KIF21B: variants seen among roughly 807,000 people sequenced by gnomAD.
The protein encoded by KIF21B is kinesin-like protein KIF21B.
A neutral mutation model predicts 192.9 loss-of-function variants in KIF21B; 85 were observed. The observed-to-expected ratio is 0.44, with a 90% CI of 0.37 to 0.53. The LOEUF is 0.53. Ranked by LOEUF, KIF21B falls within the 20% of genes least tolerant of loss-of-function variation. The pLI, the probability that KIF21B is intolerant of heterozygous loss-of-function variation, is 0.00. For missense variants in KIF21B, 1,716 were observed against 2,194.8 expected, an observed-to-expected ratio of 0.78 and a Z score of 4.36; for synonymous variants, 832 against 884.6, an observed-to-expected ratio of 0.94 and a Z score of 1.05.
At chr1:200,986,746 G>A in intron 26 of KIF21B, 98 bp downstream of exon 26, 1 of 1,098,000 alleles carries the variant, frequency 9.1e-7, no homozygotes, top group South Asian at 1.4e-5. Flanking sequence ...GTTACACTGT[G>A]TACAAGATGA....
chr1:200,990,131 C>T lies in KIF21B; in HGVS notation c.3030+7G>A, dbSNP rs369334703. The T allele has an allele frequency of 7.5e-5, 121 of 1,611,946 alleles. No homozygotes were observed. Among genetic ancestry groups the T allele is most frequent in the East Asian group, 2.0e-4 (9 of 44,824 alleles). ...CTCCGCCCCAGCAGGCCCAGCCCTG[C>T]GGATACCTTGGTCTCCTCCAGCTGC... On this transcript the variant is annotated splice_region_variant and intron_variant, in intron 20 of 34. Coordinates refer to ENST00000461742, the MANE Select transcript of KIF21B (RefSeq NM_001252102.2). This position sits in a 1 kb window ranked among gnomAD's most constrained non-coding sequence, Gnocchi z 5.4.
rs1340897102 is a variant in KIF21B at position 200,990,897 on chromosome 1, G to A, written c.2687+20C>T. On this transcript the variant is annotated intron_variant, in intron 18 of 34. Transcript: ENST00000461742. This position sits in a 1 kb window ranked among gnomAD's most constrained non-coding sequence, Gnocchi z 5.4. ...ACCCCCTCTGCCTGCACAGGCCAGGGGACTGCCAGTCCACCTTACCGGGCA... is the reference window on the plus strand; with the variant it reads ...ACCCCCTCTGCCTGCACAGGCCAGGAGACTGCCAGTCCACCTTACCGGGCA... 1 of 1,613,540 alleles carries A rather than the reference G, an allele frequency of 6.2e-7. No individual in the cohort carries two copies.
intron 1 of KIF21B, among the ~76,000 whole-genome samples, chr1:201,018,691 A>G (rs1450792162): frequency 1.3e-5 from 2 of 152,216 alleles, no homozygotes; most frequent in Non-Finnish European, 2.9e-5. Context: ...TTGTGCATCT[A>G]TATGATGGGA....
intron 30 of KIF21B, among the ~76,000 whole-genome samples, chr1:200,977,582 T>C (rs1383553688): frequency 6.6e-6 from 1 of 152,178 alleles, no homozygotes; most frequent in Non-Finnish European, 1.5e-5. Context: ...CAACTCCCCA[T>C]GTGGCCTGCC....
At chr1:200,987,453 A>G (rs143181524) in intron 24 of KIF21B, among the ~76,000 whole-genome samples, 150 of 152,162 alleles carry the variant, frequency 9.9e-4, no homozygotes, top group Admixed American at 2.6e-3. Flanking sequence ...CATGTTGTCC[A>G]GGCTGGTCTT....
At chr1:200,989,584 C>A (rs976445326) in intron 21 of KIF21B, among the ~76,000 whole-genome samples, 9 of 152,226 alleles carry the variant, frequency 5.9e-5, no homozygotes, top group African/African-American at 1.7e-4. Flanking sequence ...TTCCCCTACC[C>A]CCACATACAC....
chr1:200,981,102 C>T lies in KIF21B; in HGVS notation c.3843-6G>A, dbSNP rs1571914901. 4.4e-6 allele frequency: 7 copies of T among 1,579,156 alleles called. No homozygotes were observed. The highest frequency in any genetic ancestry group is 6.0e-6 in the Non-Finnish European group (7 of 1,168,022). Reference sequence around the variant, plus strand: ...CAACCGGGGAGATGATGCCCCTTCCCGGGAGAGAGGGAGAGAAGGCATGCT... The same window carrying T: ...CAACCGGGGAGATGATGCCCCTTCCTGGGAGAGAGGGAGAGAAGGCATGCT... On this transcript the variant is annotated splice_region_variant and splice_polypyrimidine_tract_variant and intron_variant, in intron 28 of 34. Coordinates refer to ENST00000461742, the MANE Select transcript of KIF21B (RefSeq NM_001252102.2).
chr1:200,974,298 T>G, intron 34 of KIF21B: 2 of 1,342,354 alleles, frequency 1.5e-6, no homozygotes, highest in Middle Eastern at 2.7e-4. Flanking sequence ...GCCATCTGAG[T>G]CGCACCCCAT....
intron 32 of KIF21B, among the ~76,000 whole-genome samples, chr1:200,976,235 C>G (rs566946082): frequency 6.6e-6 from 1 of 152,060 alleles, no homozygotes; most frequent in Non-Finnish European, 1.5e-5. Context: ...GGACTACAGG[C>G]GCCCGACACC....
intron 15 of KIF21B, among the ~76,000 whole-genome samples, chr1:200,993,607 C>T (rs935354802): frequency 1.3e-5 from 2 of 151,852 alleles, no homozygotes; most frequent in African/African-American, 2.4e-5. Context: ...AAAACTAGCC[C>T]GGTGTGGTGG....
At chr1:200,974,963 G>C in intron 33 of KIF21B, 50 bp from the exon 34 acceptor site, 115 of 1,543,014 alleles carry the variant, frequency 7.5e-5, no homozygotes, top group African/African-American at 1.1e-4. Context: ...ATGAGGGAGA[G>C]AACCTGCCCC....
At chr1:200,973,676 T>C in intron 34 of KIF21B, 98 bp from the exon 35 acceptor site, 1 of 1,505,360 alleles carries the variant, frequency 6.6e-7, no homozygotes, top group East Asian at 2.5e-5. Context: ...TTCCCCAAAC[T>C]CCCCAAATGT....
At chr1:200,984,002 T>C (rs1656119324) in intron 27 of KIF21B, among the ~76,000 whole-genome samples, 1 of 152,148 alleles carries the variant, frequency 6.6e-6, no homozygotes, top group African/African-American at 2.4e-5. Flanking sequence ...CTGTCACCCC[T>C]GGGGCAGGGA....
Position 200,973,087 on chromosome 1 carries a change from C to T in KIF21B, c.*434G>A, listed in dbSNP as rs181079840. 1.4e-3 allele frequency: 224 copies of T among 163,936 alleles called. 2 individuals are homozygous for T. The highest frequency in any genetic ancestry group is 4.9e-3 in the African/African-American group (208 of 42,046). The allele number at this position is 163,936 out of a possible 1,614,324, so 10.2% of individuals were successfully genotyped here. ...ATCTTTTTGGGCTCAGAGGCAGGTG[C>T]AGTGGCTCTAGAGGCTGGGCTGGGA... On this transcript the variant is annotated 3_prime_UTR_variant, in exon 35 of 35. Coordinates refer to ENST00000461742, the MANE Select transcript of KIF21B (RefSeq NM_001252102.2).
In KIF21B at chr1:201,000,621, A is replaced by G. The variant is rs754727025; in HGVS notation, c.1467-13T>C. On this transcript the variant is annotated splice_polypyrimidine_tract_variant and intron_variant, in intron 10 of 34. Coordinates refer to ENST00000461742, the MANE Select transcript of KIF21B (RefSeq NM_001252102.2). The surrounding 1 kb of genome is among the most constrained non-coding windows in gnomAD (Gnocchi z 6.0). ...TAGAAGCTTAGTCCTGCACAGGAAG[A>G]ACGAGTGGACGGGGCCGAGTGAGCT... 27 of 1,613,472 alleles carry G rather than the reference A, an allele frequency of 1.7e-5. No homozygotes were observed. The South Asian group carries it at 3.0e-4, about 18-fold the overall frequency.
rs138857980 is a variant in KIF21B at position 200,998,406 on chromosome 1, G to A, written c.2055C>T (p.Arg685=). 292 of 1,613,416 alleles carry A rather than the reference G, an allele frequency of 1.8e-4. No homozygotes were observed. In the African/African-American group the frequency reaches 3.5e-3, roughly 19 times the overall value. ...CACTGAGGTTCTGCAGCACACGGTC[G>A]CGCTCCAGCTGTGTGTCTCGGATCT... The part of the protein sequence containing the change: ...QNKIRDTQLE[R]DRVLQNLSTM... The change falls in exon 14 of 35, where the codon CGC becomes CGT. Residue 685 remains arginine, a synonymous_variant. Transcript: ENST00000461742. The surrounding 1 kb of genome is among the most constrained non-coding windows in gnomAD (Gnocchi z 4.3).
At chr1:201,011,918 G>A (rs1393063250) in intron 1 of KIF21B, among the ~76,000 whole-genome samples, 1 of 152,248 alleles carries the variant, frequency 6.6e-6, no homozygotes, top group East Asian at 1.9e-4. Flanking sequence ...GAGCAGGGGA[G>A]GGGGAGCAAC....
chr1:201,003,836 G>A, intron 7 of KIF21B, 55 bp from the exon 8 acceptor site: 1 of 1,576,884 alleles, frequency 6.3e-7, no homozygotes, highest in Non-Finnish European at 8.7e-7. Flanking sequence ...GCCCCCAGAA[G>A]CATTGCCTCA....
chr1:200,984,993 G>T, intron 26 of KIF21B, 21 bp from the exon 27 acceptor site: 1 of 1,578,990 alleles, frequency 6.3e-7, no homozygotes, highest in Non-Finnish European at 8.6e-7. Flanking sequence ...GGGACAGAGG[G>T]CAGCCTGTTA....
Sources: gnomAD v4.1 joint callset for allele counts (sites outside exome capture counted in the v4.1 genomes callset) on GRCh38, gnomAD v4.1.1 for gene constraint, Gnocchi (gnomAD v3.1) non-coding constraint, MANE v1.5 for transcripts, NCBI Gene and HGNC (gene_info 2026-07-23, HGNC 2026-07-21) for gene names.